The following NT5DC3 variants were observed in gnomAD, a reference collection of about 807,000 sequenced individuals.
NT5DC3 encodes the protein 5'-nucleotidase domain containing 3, also known as 5'-nucleotidase domain-containing protein 3.
Under a neutral mutation model 67.8 loss-of-function variants are expected in NT5DC3, and 42 were observed. The ratio of observed to expected loss-of-function variants is 0.62; its 90% CI spans 0.48 to 0.80. The LOEUF (loss-of-function observed/expected upper bound fraction) is 0.80, where lower values mean the gene tolerates loss of function less well. Among genes scored for constraint, NT5DC3 ranks in the 30% least tolerant of loss-of-function variants. The pLI is 0.00. For synonymous variants in NT5DC3, 237 were observed against 255.6 expected (o/e 0.93, Z 0.69); for missense variants, 570 against 696.4 (o/e 0.82, Z 2.04).
rs1238143657 is a variant in NT5DC3 at position 103,780,375 on chromosome 12, C to T, written c.1330-11G>A. On this transcript the variant is annotated splice_polypyrimidine_tract_variant and intron_variant, in intron 12 of 13. Coordinates refer to ENST00000392876, the MANE Select transcript of NT5DC3 (RefSeq NM_001031701.3). ...AGCATCTCTGTGAACCTGTAGGACA[C>T]AAGTCAATTATTACAACTGTTTTGA... 1.2e-6 allele frequency: 2 copies of T among 1,612,852 alleles called. No homozygotes were observed. Among genetic ancestry groups the T allele is most frequent in the East Asian group, 2.2e-5 (1 of 44,886 alleles).
intron 4 of NT5DC3, among the ~76,000 whole-genome samples, chr12:103,805,057 C>CAAAAA (rs35401787): frequency 8.3e-6 from 1 of 120,884 alleles, no homozygotes; most frequent in African/African-American, 3.1e-5. Flanking sequence ...ATCTCAATAA[C>CAAAAA]AAAAAAAAAA....
chr12:103,834,589 G>T (rs1888066721), intron 1 of NT5DC3, among the ~76,000 whole-genome samples: 1 of 152,144 alleles, frequency 6.6e-6, no homozygotes, highest in South Asian at 2.1e-4. Flanking sequence ...TTCATTAATT[G>T]GAACAAATAT....
chr12:103,779,228 C>T (rs906202168), intron 13 of NT5DC3, among the ~76,000 whole-genome samples: 10 of 152,192 alleles, frequency 6.6e-5, no homozygotes, highest in African/African-American at 2.4e-4. Context: ...ATCCAAGCCC[C>T]ATAACCCCCT....
intron 1 of NT5DC3, among the ~76,000 whole-genome samples, chr12:103,836,441 G>T (rs1330584454): frequency 6.6e-6 from 1 of 152,090 alleles, no homozygotes; most frequent in East Asian, 1.9e-4. Context: ...GGGGTTACAG[G>T]CCCCATGCAT....
At chr12:103,747,074 A>C in the NT5DC3 span, among the ~76,000 whole-genome samples, 1 of 150,288 alleles carries the variant, frequency 6.7e-6, no homozygotes, top group African/African-American at 2.5e-5. Flanking sequence ...CTCCTGCCTC[A>C]GCCTCCCAAG....
intron 4 of NT5DC3, chr12:103,802,007 C>T (rs1886606783): frequency 6.6e-6 from 1 of 152,224 alleles, no homozygotes; most frequent in Non-Finnish European, 1.5e-5. Context: ...ACGTGTGAGC[C>T]ATGGAGCTGG....
At chr12:103,809,043 G>A (rs1886921594) in intron 2 of NT5DC3, among the ~76,000 whole-genome samples, 2 of 152,216 alleles carry the variant, frequency 1.3e-5, no homozygotes, top group Admixed American at 1.3e-4. Flanking sequence ...GCTAGATAGT[G>A]GTTGAGCCAG....
rs1404078600 is a variant in NT5DC3, at chr12:103,777,637, G to A, written c.*192C>T. Reference sequence around the variant, plus strand: ...AGCTTGCCTTTCAGCCCTGCATGGGGGGAAAGGCTGGAGGGGTGGGCTGCT... The same window carrying A: ...AGCTTGCCTTTCAGCCCTGCATGGGAGGAAAGGCTGGAGGGGTGGGCTGCT... On this transcript the variant is annotated 3_prime_UTR_variant, in exon 14 of 14. Coordinates refer to ENST00000392876, the MANE Select transcript of NT5DC3 (RefSeq NM_001031701.3). 4 of 636,862 alleles carry A rather than the reference G, an allele frequency of 6.3e-6. No homozygotes were observed. The highest frequency in any genetic ancestry group is 1.0e-5 in the Non-Finnish European group (4 of 383,506). The allele number at this position is 636,862 out of a possible 1,614,324, so 39.5% of individuals were successfully genotyped here. A position where few individuals can be genotyped will look rare whatever the true frequency, so the allele number is the denominator to read the frequency against.
At chr12:103,825,077 C>CA (rs1887635719) in intron 1 of NT5DC3, among the ~76,000 whole-genome samples, 1 of 152,076 alleles carries the variant, frequency 6.6e-6, no homozygotes, top group African/African-American at 2.4e-5. Context: ...CTGGGCATGC[C>CA]CCCCCGGGAA....
At chr12:103,837,635 G>T (rs1481532596) in intron 1 of NT5DC3, among the ~76,000 whole-genome samples, 13 of 152,170 alleles carry the variant, frequency 8.5e-5, no homozygotes, top group Admixed American at 4.6e-4. Context: ...CTAGGGCAGG[G>T]GCAAAATGCC....
At chr12:103,812,802 G>A (rs1887090410) in intron 2 of NT5DC3, among the ~76,000 whole-genome samples, 1 of 152,152 alleles carries the variant, frequency 6.6e-6, no homozygotes, top group South Asian at 2.1e-4. Context: ...TGTGTGTGCA[G>A]GGTTGTTGTA....
At chr12:103,835,130 C>A (rs927143680) in intron 1 of NT5DC3, among the ~76,000 whole-genome samples, 11 of 152,164 alleles carry the variant, frequency 7.2e-5, no homozygotes, top group Non-Finnish European at 1.5e-4. Flanking sequence ...GTAACTCAGC[C>A]GCTGTTGAAC....
In NT5DC3 at chr12:103,789,423, TCAAAAACAAAAA is replaced by T. The variant is rs67579592; in HGVS notation, c.1020-516_1020-505del. ...TGGGCAACAAGAGAGAAACTCCATC[TCAAAAACAAAAA>T]CAAAAACAAACAAAAAAAAGAATTC... On this transcript the variant is annotated intron_variant, in intron 9 of 13. Coordinates refer to ENST00000392876, the MANE Select transcript of NT5DC3 (RefSeq NM_001031701.3). Among the ~76,000 whole-genome samples, 108 of 151,014 alleles carry T rather than the reference TCAAAAACAAAAA, an allele frequency of 7.2e-4. 1 individual carries two copies. Among genetic ancestry groups the T allele is most frequent in the Non-Finnish European group, 1.2e-3 (82 of 67,702 alleles).
chr12:103,763,996 T>TTTTC, the NT5DC3 span, among the ~76,000 whole-genome samples: 1 of 152,136 alleles, frequency 6.6e-6, no homozygotes, highest in Non-Finnish European at 1.5e-5. Flanking sequence ...CCTTTTTTTT[T>TTTTC]TTTCTTTGAG....
Position 103,841,187 on chromosome 12 carries a change from C to A in NT5DC3, c.-31G>T. ...CTGCCTGCTGCCGCCACCGCCGCCG[C>A]GCCGCTCTGCGACTGCTGCTGCCCG... On this transcript the variant is annotated 5_prime_UTR_variant, in exon 1 of 14. Transcript: ENST00000392876. 1 of 604,718 alleles carries A rather than the reference C, an allele frequency of 1.7e-6. No homozygotes were observed. Among genetic ancestry groups the A allele is most frequent in the South Asian group, 2.0e-5 (1 of 50,770 alleles). The allele number at this position is 604,718 out of a possible 1,614,324, so 37.5% of individuals were successfully genotyped here. A position where few individuals can be genotyped will look rare whatever the true frequency, so the allele number is the denominator to read the frequency against.
At chr12:103,788,254 A>G (rs925123106) in intron 10 of NT5DC3, among the ~76,000 whole-genome samples, 1 of 152,234 alleles carries the variant, frequency 6.6e-6, no homozygotes, top group Non-Finnish European at 1.5e-5. Flanking sequence ...CAGCTTGGGC[A>G]AAATGGCAAG....
intron 12 of NT5DC3, among the ~76,000 whole-genome samples, chr12:103,782,128 G>T (rs1885579884): frequency 6.6e-6 from 1 of 152,206 alleles, no homozygotes; most frequent in Non-Finnish European, 1.5e-5. Flanking sequence ...CCAGCATTTT[G>T]GGAGGCCAAG....
intron 5 of NT5DC3, among the ~76,000 whole-genome samples, chr12:103,797,927 T>C (rs1886392571): frequency 6.6e-6 from 1 of 152,250 alleles, no homozygotes; most frequent in Admixed American, 6.5e-5. Context: ...TATATTAGCC[T>C]ATGCAAAGCC....
At position 103,840,975 on chromosome 12, in the gene NT5DC3, T is replaced by C; in HGVS notation, c.182A>G (p.Tyr61Cys). ...PDMKRYLWERYREAKRSTEEL... is the reference protein window; with the variant it reads ...PDMKRYLWERCREAKRSTEEL... ...TTCTGTGCTTCTCTTCGCCTCCCGG[T>C]AGCGCTCCCACAGGTAGCGCTTCAT... Residue 61 changes from tyrosine (Y) to cysteine (C), a missense_variant, in exon 1 of 14, where the codon TAC becomes TGC. Around this residue, in one of 2 missense-constraint regions of NT5DC3, gnomAD observed 104 missense variants for 88.4 expected, o/e 1.18. Coordinates refer to ENST00000392876, the MANE Select transcript of NT5DC3 (RefSeq NM_001031701.3). 1 of 1,341,894 alleles carries C rather than the reference T, an allele frequency of 7.5e-7. No individual in the cohort carries two copies. The highest frequency in any genetic ancestry group is 9.6e-7 in the Non-Finnish European group (1 of 1,041,218). 83.1% of individuals were successfully genotyped at this position (1,341,894 alleles called of 1,614,324 possible). A position where few individuals can be genotyped will look rare whatever the true frequency, so the allele number is the denominator to read the frequency against.
Sources: allele counts gnomAD v4.1 joint callset (sites outside exome capture counted in the v4.1 genomes callset), GRCh38; gene constraint gnomAD v4.1.1; regional missense constraint gnomAD v4.1.1; transcripts MANE v1.5; gene names NCBI Gene and HGNC (gene_info 2026-07-23, HGNC 2026-07-21).